The following ZNF808 variants were observed in gnomAD, a reference collection of about 807,000 sequenced individuals.
ZNF808 encodes zinc finger protein 808.
ZNF808 carries 5 observed loss-of-function variants against 8.7 expected under a neutral mutation model. The observed-to-expected ratio is 0.58, with a 90% CI of 0.30 to 1.21. The LOEUF is 1.21. Ranked by LOEUF, ZNF808 falls within the 50% of genes most tolerant of loss-of-function variation. The pLI is 0.07. For missense variants in ZNF808, 1,103 were observed against 1,098.4 expected (o/e 1.00, Z -0.06); for synonymous variants, 380 against 366.0 (o/e 1.04, Z -0.44).
chr19:52,530,717 C>T (rs2059554566), intron 1 of ZNF808, among the ~76,000 whole-genome samples: 1 of 151,962 alleles, frequency 6.6e-6, no homozygotes, highest in South Asian at 2.1e-4. Flanking sequence ...GGCCTGGTGG[C>T]TCATTCCTGT....
rs766397222 is a variant in ZNF808 at position 52,554,463 on chromosome 19, G to A, written c.1547G>A (p.Cys516Tyr). The A allele has an allele frequency of 2.5e-6, 4 of 1,614,186 alleles. No homozygotes were observed. The highest frequency in any genetic ancestry group is 4.5e-5 in the East Asian group (2 of 44,886). Reference sequence around the variant, plus strand: ...GAAAAACCTTACAAGTGTAATCAGTGTGGCAATACCTTCCGTCACCGGGCA... The same window carrying A: ...GAAAAACCTTACAAGTGTAATCAGTATGGCAATACCTTCCGTCACCGGGCA... The part of the protein sequence containing the change: ...SGEKPYKCNQ[C>Y]GNTFRHRASL... Residue 516 changes from cysteine (C) to tyrosine (Y), a missense_variant, in exon 5 of 5, where the codon TGT (cysteine) becomes TAT (tyrosine). Coordinates refer to ENST00000359798, the MANE Select transcript of ZNF808 (RefSeq NM_001039886.4).
chr19:52,568,668 C>T (rs2059879284), downstream of ZNF808, among the ~76,000 whole-genome samples: 1 of 152,136 alleles, frequency 6.6e-6, no homozygotes, highest in African/African-American at 2.4e-5. Flanking sequence ...TACTTGGGAA[C>T]GCTGACCCCA....
At chr19:52,567,859 T>C (rs946097199), downstream of ZNF808, among the ~76,000 whole-genome samples, 17 of 152,256 alleles carry the variant, frequency 1.1e-4, no homozygotes, top group Non-Finnish European at 2.1e-4. Context: ...ATTAAACCTT[T>C]TTTCAGCATA....
chr19:52,554,575 C>T lies in ZNF808; in HGVS notation c.1659C>T (p.Val553=), dbSNP rs1568490969. The change falls in exon 5 of 5, where the codon GTC becomes GTT. Residue 553 remains valine (V), a synonymous_variant. Transcript: ENST00000359798. The part of the protein sequence containing the change: ...VCNKVFMRNS[V]LAVHTRIHTA... ...ACAAGGTTTTCATGCGTAATTCAGT[C>T]CTGGCTGTACATACTAGAATTCACA... 6.2e-7 allele frequency: 1 copy of T among 1,613,336 alleles called. No individual in the cohort carries two copies. Among genetic ancestry groups the T allele is most frequent in the East Asian group, 2.2e-5 (1 of 44,858 alleles).
chr19:52,551,122 C>T (rs756973827), intron 4 of ZNF808, among the ~76,000 whole-genome samples: 12 of 151,986 alleles, frequency 7.9e-5, no homozygotes, highest in South Asian at 6.2e-4. Context: ...GAGGGCGAGA[C>T]GGGTGGATCA....
chr19:52,553,295 G>T lies in ZNF808; in HGVS notation c.379G>T (p.Ala127Ser). 6.2e-7 allele frequency: 1 copy of T among 1,613,714 alleles called. No homozygotes were observed. The change falls in exon 5 of 5, where the codon GCA becomes TCA. Residue 127 changes from alanine (A) to serine (S), a missense_variant. Physicochemically the swap from Ala to Ser is moderately conservative, Grantham distance 99 (BLOSUM62 1). Transcript: ENST00000359798. Reference sequence around the variant, plus strand: ...AGAAGATGAAAGAAATGGCCATGAAGCACCCACGACAAAAATAAAAAAGTT... The same window carrying T: ...AGAAGATGAAAGAAATGGCCATGAATCACCCACGACAAAAATAAAAAAGTT... ...CQEDERNGHE[A>S]PTTKIKKLTG... is the part of the protein sequence containing the mutation.
At chr19:52,544,891 C>A (rs1422177251) in intron 3 of ZNF808, among the ~76,000 whole-genome samples, 3 of 152,328 alleles carry the variant, frequency 2.0e-5, no homozygotes, top group East Asian at 3.9e-4. Flanking sequence ...TCAAGCAATT[C>A]TTTTGCCTCA....
Position 52,553,180 on chromosome 19 carries a change from G to C in ZNF808, c.264G>C (p.Gly88=), listed in dbSNP as rs371293032. 1 of 1,612,670 alleles carries C rather than the reference G, an allele frequency of 6.2e-7. No homozygotes were observed. The highest frequency in any genetic ancestry group is 1.3e-5 in the African/African-American group (1 of 74,814). Residue 88 remains glycine, a synonymous_variant, in exon 5 of 5, where the codon GGG becomes GGC. Transcript: ENST00000359798. ...GQGNREVIHT[G]TLQRHQSYHI... ...GCAATAGAGAAGTGATCCACACAGG[G>C]ACATTGCAAAGACATCAAAGTTATC...
intron 1 of ZNF808, among the ~76,000 whole-genome samples, chr19:52,529,238 G>A (rs928057867): frequency 6.6e-6 from 1 of 151,550 alleles, no homozygotes; most frequent in Non-Finnish European, 1.5e-5. Flanking sequence ...AGGAAATAAC[G>A]GGGCATAATC....
intron 1 of ZNF808, among the ~76,000 whole-genome samples, chr19:52,532,321 G>A (rs1035994430): frequency 8.6e-5 from 13 of 152,036 alleles, no homozygotes; most frequent in Non-Finnish European, 1.6e-4. Flanking sequence ...TGCCTCCCAG[G>A]TTCAAGTGAT....
At chr19:52,558,016 G>GTTT (rs2059843816), downstream of ZNF808, among the ~76,000 whole-genome samples, 3 of 74,334 alleles carry the variant, frequency 4.0e-5, no homozygotes, top group African/African-American at 5.0e-5. Context: ...TCTAGGTGTG[G>GTTT]CTTTTTTTTT....
chr19:52,534,108 A>C (rs541360815), intron 2 of ZNF808, among the ~76,000 whole-genome samples: 8 of 152,128 alleles, frequency 5.3e-5, no homozygotes, highest in Non-Finnish European at 1.0e-4. Context: ...GGATCACTTG[A>C]GGTCAGGATT....
chr19:52,536,073 G>A (rs551203806), intron 2 of ZNF808: 1 of 155,680 alleles, frequency 6.4e-6, no homozygotes, highest in African/African-American at 2.4e-5. Flanking sequence ...CTTGTATTAA[G>A]TTTGCGCTTC....
At position 52,555,186 on chromosome 19, in the gene ZNF808, A is replaced by C; in HGVS notation, c.2270A>C (p.His757Pro). 1 of 1,614,150 alleles carries C rather than the reference A, an allele frequency of 6.2e-7. No homozygotes were observed. The highest frequency in any genetic ancestry group is 8.5e-7 in the Non-Finnish European group (1 of 1,180,010). The change falls in exon 5 of 5, where the codon CAT becomes CCT. Residue 757 changes from histidine to proline, a missense_variant. By Grantham distance (77) the His-to-Pro change is moderately conservative. Transcript: ENST00000359798. ...ACCCTTCTATGCCATCGTAGACTTC[A>C]TAGTGGTGAGAAACCTTACAAGTGT... ...KATLLCHRRL[H>P]SGEKPYKCND...
intron 2 of ZNF808, among the ~76,000 whole-genome samples, chr19:52,536,727 A>G (rs2633514): frequency 0.33 from 49,559 of 151,740 alleles, 8,697 homozygotes; most frequent in East Asian, 0.52. Context: ...AGGGAGAAAC[A>G]CAGCAGGGAG....
intron 1 of ZNF808, among the ~76,000 whole-genome samples, chr19:52,529,943 A>G (rs1292124337): frequency 6.7e-6 from 1 of 149,744 alleles, no homozygotes; most frequent in Non-Finnish European, 1.5e-5. Flanking sequence ...TGGTTTCACT[A>G]TGTTTCCCAG....
rs755861842 is a variant in ZNF808 at position 52,553,671 on chromosome 19, C to T, written c.755C>T (p.Pro252Leu). 1.9e-5 allele frequency: 30 copies of T among 1,613,960 alleles called. No homozygotes were observed. The highest frequency in any genetic ancestry group is 4.0e-5 in the African/African-American group (3 of 74,904). ...TCACTCTTAAGGAAACACCAGATAC[C>T]CCATTTAGGAGACAAACAATATAAA... ...CSSLLRKHQIPHLGDKQYKCD... is the reference protein window; with the variant it reads ...CSSLLRKHQILHLGDKQYKCD... Residue 252 changes from proline (P) to leucine (L), a missense_variant, in exon 5 of 5, where the codon CCC (proline) becomes CTC (leucine). By Grantham distance (98) the Pro-to-Leu change is moderately conservative. Transcript: ENST00000359798.
chr19:52,568,753 AT>A (rs2059879776), downstream of ZNF808, among the ~76,000 whole-genome samples: 1 of 152,186 alleles, frequency 6.6e-6, no homozygotes, highest in Admixed American at 6.5e-5. Context: ...TTAATAATGT[AT>A]TCTAAATTTC....
At chr19:52,543,387 C>G (rs752705599) in intron 3 of ZNF808, 40 bp downstream of exon 3, 2 of 1,602,372 alleles carry the variant, frequency 1.2e-6, no homozygotes, top group Admixed American at 1.7e-5. Context: ...TGTCTCTTTC[C>G]TTTCTGAAAT....
Sources: allele counts gnomAD v4.1 joint callset (sites outside exome capture counted in the v4.1 genomes callset), GRCh38; gene constraint gnomAD v4.1.1; transcripts MANE v1.5; gene names NCBI Gene and HGNC (gene_info 2026-07-23, HGNC 2026-07-21).